AGBL1: variants seen among roughly 807,000 people sequenced by gnomAD.
AGBL1 encodes the protein AGBL carboxypeptidase 1.
Under a neutral mutation model 118.9 loss-of-function variants are expected in AGBL1, and 130 were observed. That is an observed-to-expected ratio of 1.09 (90% CI 0.95 to 1.26). The LOEUF is 1.26. Among genes scored for constraint, AGBL1 ranks in the 50% most tolerant of loss-of-function variants. The pLI is 0.00. For missense variants in AGBL1, 1,584 were observed against 1,298.1 expected, an observed-to-expected ratio of 1.22 and a Z score of -3.38; for synonymous variants, 555 against 478.9, an observed-to-expected ratio of 1.16 and a Z score of -2.08.
chr15:86,622,315 A>G (rs1032341869), intron 21 of AGBL1, among the ~76,000 whole-genome samples: 1 of 148,426 alleles, frequency 6.7e-6, no homozygotes, highest in Admixed American at 6.7e-5. Context: ...GGGTGACAAG[A>G]CTGAGACTCC....
chr15:86,103,746 C>T (rs1896868481), intron 1 of AGBL1, among the ~76,000 whole-genome samples: 1 of 152,200 alleles, frequency 6.6e-6, no homozygotes, highest in African/African-American at 2.4e-5. Flanking sequence ...AAGGCAGTTG[C>T]AGGCTGAGCA....
intron 19 of AGBL1, among the ~76,000 whole-genome samples, chr15:86,541,450 C>T (rs939351531): frequency 3.3e-5 from 5 of 151,904 alleles, no homozygotes; most frequent in South Asian, 2.1e-4. Context: ...AAATTAGCCA[C>T]GTATGGTGTC....
chr15:86,214,162 T>C (rs2078147266), intron 5 of AGBL1, among the ~76,000 whole-genome samples: 1 of 152,242 alleles, frequency 6.6e-6, no homozygotes. Context: ...AATGTGCTCT[T>C]TAACTGGAGC....
chr15:86,988,952 A>G (rs988291146), intron 24 of AGBL1, among the ~76,000 whole-genome samples: 1 of 148,116 alleles, frequency 6.8e-6, no homozygotes, highest in African/African-American at 2.5e-5. Flanking sequence ...AGTGAAAATG[A>G]TGATTGCCAA....
chr15:86,820,879 A>T (rs1486149941), intron 22 of AGBL1, among the ~76,000 whole-genome samples: 1 of 152,190 alleles, frequency 6.6e-6, no homozygotes, highest in South Asian at 2.1e-4. Context: ...ACACATGCAC[A>T]CGTATATTTA....
chr15:86,572,278 C>T (rs897145951), intron 21 of AGBL1, among the ~76,000 whole-genome samples: 6 of 152,176 alleles, frequency 3.9e-5, no homozygotes, highest in African/African-American at 1.2e-4. Context: ...GTGGAGCTCC[C>T]GCTCTGCCAA....
chr15:86,329,291 C>T (rs1012885992), intron 17 of AGBL1, among the ~76,000 whole-genome samples: 1 of 152,038 alleles, frequency 6.6e-6, no homozygotes, highest in African/African-American at 2.4e-5. Context: ...AGCCACCCCA[C>T]CCTCATGGAC....
intron 18 of AGBL1, among the ~76,000 whole-genome samples, chr15:86,412,660 C>T (rs547833340): frequency 8.1e-4 from 123 of 152,256 alleles, no homozygotes; most frequent in East Asian, 1.2e-3. Context: ...TGACCATGTG[C>T]CCTTCTAAGT....
chr15:86,188,302 T>A (rs1486021727), intron 5 of AGBL1, among the ~76,000 whole-genome samples: 3 of 152,148 alleles, frequency 2.0e-5, no homozygotes, highest in Non-Finnish European at 2.9e-5. Flanking sequence ...TACTGAGTAA[T>A]GTGTTAGGAA....
At chr15:86,192,725 G>T (rs1439288007) in intron 5 of AGBL1, among the ~76,000 whole-genome samples, 3 of 151,978 alleles carry the variant, frequency 2.0e-5, no homozygotes, top group Admixed American at 2.0e-4. Context: ...AGTAGGTAGT[G>T]GTATATATGA....
intron 21 of AGBL1, among the ~76,000 whole-genome samples, chr15:86,571,408 T>C (rs545965348): frequency 3.7e-4 from 56 of 152,284 alleles, no homozygotes; most frequent in South Asian, 1.5e-3. Context: ...AGGAGCGTTA[T>C]TGAGCAATGG....
intron 4 of AGBL1, among the ~76,000 whole-genome samples, chr15:86,158,667 C>CA (rs1161412374): frequency 6.6e-6 from 1 of 152,140 alleles, no homozygotes; most frequent in Non-Finnish European, 1.5e-5. Flanking sequence ...GCCAAAAAGG[C>CA]AAAAACTTCC....
intron 23 of AGBL1, among the ~76,000 whole-genome samples, chr15:86,938,260 A>C (rs936494588): frequency 6.6e-6 from 1 of 152,152 alleles, no homozygotes; most frequent in Non-Finnish European, 1.5e-5. Context: ...TAGAAAATAG[A>C]ATGGCCTCCA....
chr15:86,171,315 G>A (rs1462280018), intron 5 of AGBL1, among the ~76,000 whole-genome samples: 1 of 152,006 alleles, frequency 6.6e-6, no homozygotes, highest in East Asian at 1.9e-4. Flanking sequence ...ATGTAGTCTG[G>A]AGTTTATATT....
chr15:86,440,445 T>G (rs78414007), intron 18 of AGBL1, among the ~76,000 whole-genome samples: 2 of 151,236 alleles, frequency 1.3e-5, no homozygotes, highest in Non-Finnish European at 2.9e-5. Flanking sequence ...AAGGGCTAAA[T>G]TGACATGTGT....
At position 86,275,723 on chromosome 15, in the gene AGBL1, G is replaced by A. The variant is rs574214194; in HGVS notation, c.2076-3916G>A. Among the ~76,000 whole-genome samples the A allele has an allele frequency of 4.6e-5, 7 of 152,298 alleles. No individual in the cohort carries two copies. The South Asian group carries it at 1.2e-3, about 27-fold the overall frequency. ...AAAGCCTTTTAGCTGTGAAGTTGCTGGATGTACCCAGCCCAGGTCATTTTT... is the reference window on the plus strand; with the variant it reads ...AAAGCCTTTTAGCTGTGAAGTTGCTAGATGTACCCAGCCCAGGTCATTTTT... On this transcript the variant is annotated intron_variant, in intron 15 of 22. Transcript: ENST00000614907.
chr15:86,528,423 G>A (rs921546302), intron 19 of AGBL1, among the ~76,000 whole-genome samples: 4 of 152,132 alleles, frequency 2.6e-5, no homozygotes, highest in African/African-American at 9.7e-5. Flanking sequence ...GGCGCACCAC[G>A]AGACTATATC....
chr15:86,989,402 T>C (rs1041390909), intron 24 of AGBL1, among the ~76,000 whole-genome samples: 3 of 152,174 alleles, frequency 2.0e-5, no homozygotes, highest in Admixed American at 2.0e-4. Context: ...TTTCTTCTAG[T>C]CTATGTATGA....
intron 22 of AGBL1, among the ~76,000 whole-genome samples, chr15:86,879,713 G>A (rs1454703148): frequency 6.6e-6 from 1 of 152,226 alleles, no homozygotes; most frequent in Non-Finnish European, 1.5e-5. Flanking sequence ...GGCAGAGAAA[G>A]TGTTGCTCAT....
Sources: allele counts gnomAD v4.1 joint callset (sites outside exome capture counted in the v4.1 genomes callset), GRCh38; gene constraint gnomAD v4.1.1; transcripts MANE v1.5; gene names NCBI Gene and HGNC (gene_info 2026-07-23, HGNC 2026-07-21).